The following PFKFB2 variants were observed in gnomAD, a reference collection of about 807,000 sequenced individuals.
PFKFB2 encodes the protein 6-phosphofructo-2-kinase/fructose-2,6-bisphosphatase 2.
PFKFB2 carries 53 observed loss-of-function variants against 68.0 expected under a neutral mutation model. The ratio of observed to expected loss-of-function variants is 0.78; its 90% CI spans 0.63 to 0.98. The LOEUF is 0.98. Among genes scored for constraint, PFKFB2 ranks in the 50% least tolerant of loss-of-function variants. The pLI is 0.00. For missense variants in PFKFB2, 451 were observed against 642.0 expected (o/e 0.70, Z 3.22); for synonymous variants, 222 against 227.6 (o/e 0.98, Z 0.22).
At chr1:207,039,317 GAAA>G (rs1316603455) in intron 1 of PFKFB2, among the ~76,000 whole-genome samples, 1 of 152,190 alleles carries the variant, frequency 6.6e-6, no homozygotes, top group Non-Finnish European at 1.5e-5. Context: ...CATAGTGGAA[GAAA>G]GTTTGGAATT....
chr1:207,039,495 A>T (rs1368051078), intron 1 of PFKFB2, among the ~76,000 whole-genome samples: 1 of 152,254 alleles, frequency 6.6e-6, no homozygotes, highest in Admixed American at 6.5e-5. Flanking sequence ...AAAAATATTT[A>T]TGGTTACTTG....
chr1:207,079,072 G>A, downstream of PFKFB2: 1 of 1,465,580 alleles, frequency 6.8e-7, no homozygotes, highest in East Asian at 2.3e-5. Flanking sequence ...CTACTGAAAA[G>A]CTTGGGATGT....
intron 2 of PFKFB2, chr1:207,048,070 C>G (rs905738292): frequency 2.0e-5 from 3 of 152,364 alleles, no homozygotes; most frequent in African/African-American, 7.3e-5. Context: ...AAATTCCCCC[C>G]GATAAACTTT....
At chr1:207,050,460 G>C (rs1019255325), upstream of PFKFB2, among the ~76,000 whole-genome samples, 1 of 152,178 alleles carries the variant, frequency 6.6e-6, no homozygotes, top group South Asian at 2.1e-4. Context: ...TGGGGAAGGG[G>C]GTCTTCAAGG....
At chr1:207,046,863 G>A (rs1368401860) in intron 2 of PFKFB2, 2 of 151,936 alleles carry the variant, frequency 1.3e-5, no homozygotes, top group East Asian at 3.9e-4. Flanking sequence ...AAACATGCCT[G>A]GCACAGTATA....
chr1:207,050,845 C>A, upstream of PFKFB2: 2 of 1,612,932 alleles, frequency 1.2e-6, no homozygotes, highest in Non-Finnish European at 1.7e-6. Flanking sequence ...GGCTGGACAG[C>A]CCCTGCAAAA....
chr1:207,035,399 A>T (rs1306140001), intron 1 of PFKFB2, among the ~76,000 whole-genome samples: 1 of 152,216 alleles, frequency 6.6e-6, no homozygotes. Context: ...CATGCCTGTA[A>T]TTCCAGCACT....
At chr1:207,038,792 C>T (rs1682425748) in intron 1 of PFKFB2, among the ~76,000 whole-genome samples, 1 of 152,204 alleles carries the variant, frequency 6.6e-6, no homozygotes, top group South Asian at 2.1e-4. Flanking sequence ...TTATGAACTA[C>T]AAAAGGATCT....
Position 207,071,224 on chromosome 1 carries a change from T to C in PFKFB2, c.1259T>C (p.Ile420Thr), listed in dbSNP as rs921147631. Residue 420 changes from isoleucine to threonine, a missense_variant, in exon 13 of 15, where the codon ATC (isoleucine) becomes ACC (threonine). Transcript: ENST00000367080. Reference sequence around the variant, plus strand: ...TACTTGAGATGCCCTCTCCATACCATCTTCAAACTTACTCCTGTGGCCTAT... The same window carrying C: ...TACTTGAGATGCCCTCTCCATACCACCTTCAAACTTACTCCTGTGGCCTAT... ...LPYLRCPLHT[I>T]FKLTPVAYGC... is the part of the protein sequence containing the mutation. The C allele has an allele frequency of 6.2e-7, 1 of 1,613,898 alleles. No homozygotes were observed. Among genetic ancestry groups the C allele is most frequent in the Admixed American group, 1.7e-5 (1 of 60,018 alleles).
chr1:207,062,126 C>T, intron 3 of PFKFB2, 48 bp downstream of exon 3: 1 of 1,611,866 alleles, frequency 6.2e-7, no homozygotes, highest in South Asian at 1.1e-5. Flanking sequence ...GTTCCTGGGC[C>T]TCACAGGTCT....
chr1:207,036,105 G>C (rs1682372928), intron 1 of PFKFB2, among the ~76,000 whole-genome samples: 2 of 152,034 alleles, frequency 1.3e-5, no homozygotes, highest in African/African-American at 4.8e-5. Context: ...ATTCATGAGG[G>C]ATCTGCCCCC....
chr1:207,034,571 T>A (rs1682341621), intron 1 of PFKFB2: 1 of 152,168 alleles, frequency 6.6e-6, no homozygotes, highest in South Asian at 2.1e-4. Context: ...ACAGACACAG[T>A]TTTTCAGTTA....
At chr1:207,079,316 G>T, downstream of PFKFB2, 1 of 466,746 alleles carries the variant, frequency 2.1e-6, no homozygotes. Flanking sequence ...ATTCTGTATA[G>T]GCATTTAACA....
At chr1:207,036,940 T>G (rs773066657) in intron 1 of PFKFB2, among the ~76,000 whole-genome samples, 1 of 152,258 alleles carries the variant, frequency 6.6e-6, no homozygotes, top group African/African-American at 2.4e-5. Flanking sequence ...ACTTCCGAAA[T>G]GTTGTTGCTA....
Position 207,077,081 on chromosome 1 carries a change from A to G in PFKFB2, c.*4710A>G. 1 of 985,188 alleles carries G rather than the reference A, an allele frequency of 1.0e-6. No homozygotes were observed. The highest frequency in any genetic ancestry group is 1.2e-6 in the Non-Finnish European group (1 of 829,742). The allele number at this position is 985,188 out of a possible 1,614,324, so 61.0% of individuals were successfully genotyped here. A position where few individuals can be genotyped will look rare whatever the true frequency, so the allele number is the denominator to read the frequency against. On this transcript the variant is annotated 3_prime_UTR_variant, in exon 15 of 15. Coordinates refer to ENST00000367080, the MANE Select transcript of PFKFB2 (RefSeq NM_006212.2). Reference sequence around the variant, plus strand: ...TGCATCACTTTTATGGTATTTTGTGAACTCAGCTAAGGGAATGCCTGTTCA... The same window carrying G: ...TGCATCACTTTTATGGTATTTTGTGGACTCAGCTAAGGGAATGCCTGTTCA...
At chr1:207,068,095 A>AGGGTGTGTGT in intron 9 of PFKFB2, 68 bp from the exon 10 acceptor site, 1 of 1,093,580 alleles carries the variant, frequency 9.1e-7, no homozygotes, top group Non-Finnish European at 1.3e-6. Flanking sequence ...GTGTGTGTTG[A>AGGGTGTGTGT]GTGTGTGTGT....
At chr1:207,039,948 C>A (rs1682446214) in intron 1 of PFKFB2, among the ~76,000 whole-genome samples, 1 of 152,130 alleles carries the variant, frequency 6.6e-6, no homozygotes, top group South Asian at 2.1e-4. Flanking sequence ...GTACTTCTGA[C>A]AGCTTAAGAG....
In PFKFB2 at chr1:207,070,211, G is replaced by C. The variant is rs904758350; in HGVS notation, c.1093-69G>C. On this transcript the variant is annotated intron_variant, in intron 11 of 14. Transcript: ENST00000367080. The surrounding 1 kb of genome is among the most constrained non-coding windows in gnomAD (Gnocchi z 4.2). ...GAAGAAGTGGCCCTTAGTCTCCAAGGTCCAGCCACTGACTTGGCTGCCAGC... is the reference window on the plus strand; with the variant it reads ...GAAGAAGTGGCCCTTAGTCTCCAAGCTCCAGCCACTGACTTGGCTGCCAGC... 1.9e-5 allele frequency: 31 copies of C among 1,592,198 alleles called. No homozygotes were observed. In the Admixed American group the frequency reaches 5.1e-4, roughly 26 times the overall value.
intron 14 of PFKFB2, among the ~76,000 whole-genome samples, chr1:207,071,845 AC>A (rs1397316057): frequency 1.3e-5 from 2 of 151,882 alleles, no homozygotes; most frequent in Non-Finnish European, 1.5e-5. Context: ...GCAAATTACT[AC>A]CCCCCTCCAA....
Sources: gnomAD v4.1 joint callset for allele counts (sites outside exome capture counted in the v4.1 genomes callset) on GRCh38, gnomAD v4.1.1 for gene constraint, Gnocchi (gnomAD v3.1) non-coding constraint, MANE v1.5 for transcripts, NCBI Gene and HGNC (gene_info 2026-07-23, HGNC 2026-07-21) for gene names.